The following TECPR1 variants were observed in gnomAD, a reference collection of about 807,000 sequenced individuals.
TECPR1 encodes the protein tectonin beta-propeller repeat-containing protein 1.
In TECPR1, 122 loss-of-function variants were observed where a neutral mutation model predicts 162.4. The observed-to-expected ratio is 0.75, with a 90% CI of 0.65 to 0.87. The LOEUF (loss-of-function observed/expected upper bound fraction) is 0.87, where lower values mean the gene tolerates loss of function less well. Ranked by LOEUF, TECPR1 falls within the 40% of genes least tolerant of loss-of-function variation. The pLI is 0.00. For missense variants in TECPR1, 1,432 were observed against 1,618.2 expected (o/e 0.88, Z 1.97); for synonymous variants, 642 against 670.6 (o/e 0.96, Z 0.66).
chr7:98,233,140 T>A, intron 11 of TECPR1, 168 bp from the exon 12 acceptor site: 1 of 854,404 alleles, frequency 1.2e-6, no homozygotes, highest in South Asian at 2.2e-5. Flanking sequence ...TCTCCCCCAG[T>A]AATTCAGCCT....
chr7:98,229,998 T>G (rs1261330280), intron 15 of TECPR1, among the ~76,000 whole-genome samples: 2 of 150,276 alleles, frequency 1.3e-5, no homozygotes, highest in Non-Finnish European at 3.0e-5. Context: ...GTGGCTTTTT[T>G]TTTTTTTTCT....
Position 98,235,849 on chromosome 7 carries a change from A to AAC in TECPR1, c.1181+926_1181+927insGT, listed in dbSNP as rs1554401447. ...TCTCAAAAAAAAAAAAAAAAAAAAA[A>AAC]AACACCATCTGAGCAGACTAAACCC... On this transcript the variant is annotated intron_variant, in intron 10 of 25. Transcript: ENST00000447648. Among the ~76,000 whole-genome samples, 629 of 110,312 alleles carry AAC rather than the reference A, an allele frequency of 5.7e-3. 56 individuals carry two copies. The highest frequency in any genetic ancestry group is 0.013 in the Middle Eastern group (2 of 152). The allele number at this position is 110,312 out of a possible 152,430, so 72.4% of individuals were successfully genotyped here. A position where few individuals can be genotyped will look rare whatever the true frequency, so the allele number is the denominator to read the frequency against.
At position 98,231,112 on chromosome 7, in the gene TECPR1, G is replaced by A. The variant is rs1236036745; in HGVS notation, c.2131C>T (p.Leu711=). Residue 711 remains leucine, a synonymous_variant, in exon 15 of 26, where the codon CTG becomes TTG. Coordinates refer to ENST00000447648, the MANE Select transcript of TECPR1 (RefSeq NM_015395.3). The part of the protein sequence containing the change: ...TEQDMNDWLA[L]LSLSCCESRK... ...CTCTCGCAGCAAGACAGGCTGAGCA[G>A]GGCGAGCTGGTGTGGCACAATGCCG... 1.2e-6 allele frequency: 2 copies of A among 1,600,650 alleles called. No homozygotes were observed. Among genetic ancestry groups the A allele is most frequent in the Non-Finnish European group, 1.7e-6 (2 of 1,175,140 alleles).
rs774320450 is a variant in TECPR1, at chr7:98,245,932, T to G, written c.215A>C (p.Tyr72Ser). The change falls in exon 3 of 26, where the codon TAT becomes TCT. Residue 72 changes from tyrosine to serine, a missense_variant. Tyr to Ser is a moderately radical substitution (Grantham distance 144, BLOSUM62 -2). Transcript: ENST00000447648. Reference sequence around the variant, plus strand: ...CATGAGGGTCACTACCTGATTCTCATAGGCCTCCTCTCGGCGGCGGATGGG... The same window carrying G: ...CATGAGGGTCACTACCTGATTCTCAGAGGCCTCCTCTCGGCGGCGGATGGG... ...DVPIRRREEA[Y>S]ENQRWNPMGG... The G allele has an allele frequency of 1.3e-6, 2 of 1,599,360 alleles. No homozygotes were observed. The highest frequency in any genetic ancestry group is 2.3e-5 in the South Asian group (2 of 88,380).
chr7:98,230,200 C>T (rs929791697), intron 15 of TECPR1, among the ~76,000 whole-genome samples: 1 of 151,456 alleles, frequency 6.6e-6, no homozygotes, highest in Non-Finnish European at 1.5e-5. Context: ...AGAGACGAGT[C>T]TAGCTATGTT....
chr7:98,230,564 G>A (rs931829919), intron 15 of TECPR1, among the ~76,000 whole-genome samples: 9 of 152,092 alleles, frequency 5.9e-5, no homozygotes, highest in African/African-American at 2.2e-4. Context: ...GCCCCGGGCC[G>A]CCCATGCAGC....
chr7:98,244,728 G>A (rs529833002), intron 4 of TECPR1, 35 bp from the exon 5 acceptor site: 75 of 1,594,222 alleles, frequency 4.7e-5, no homozygotes, highest in Admixed American at 1.2e-4. Context: ...CAGGCTCTGC[G>A]GGGAAGGCAT....
intron 15 of TECPR1, 129 bp downstream of exon 15, chr7:98,230,832 C>T (rs1798413077): frequency 2.4e-6 from 3 of 1,248,978 alleles, no homozygotes; most frequent in African/African-American, 3.0e-5. Context: ...GAACCAGTGG[C>T]CGTGCCTCTG....
intron 17 of TECPR1, among the ~76,000 whole-genome samples, chr7:98,225,521 G>A (rs951695310): frequency 2.7e-5 from 4 of 145,608 alleles, no homozygotes; most frequent in African/African-American, 1.0e-4. Flanking sequence ...CCAGCCTGGC[G>A]ACAGAGCAAG....
In TECPR1 at chr7:98,233,425, C is replaced by A; in HGVS notation, c.1668G>T (p.Gln556His). ...AGGCCCTGCAGGAGCCCTTACCCGCCTGGACAGTGAACCATCTGGGCATGG... is the reference window on the plus strand; with the variant it reads ...AGGCCCTGCAGGAGCCCTTACCCGCATGGACAGTGAACCATCTGGGCATGG... ...ACAMPRWFTV[Q>H]AGLSSSVHML... is the part of the protein sequence containing the mutation. Residue 556 changes from glutamine (Q) to histidine (H), a missense_variant, in exon 11 of 26, where the codon CAG becomes CAT. Coordinates refer to ENST00000447648, the MANE Select transcript of TECPR1 (RefSeq NM_015395.3). 6.9e-7 allele frequency: 1 copy of A among 1,455,972 alleles called. No homozygotes were observed. The allele number at this position is 1,455,972 out of a possible 1,614,324, so 90.2% of individuals were successfully genotyped here.
Position 98,217,022 on chromosome 7 carries a change from T to C in TECPR1, c.*368A>G. 4.7e-6 allele frequency: 1 copy of C among 213,508 alleles called. No individual in the cohort carries two copies. The highest frequency in any genetic ancestry group is 9.4e-6 in the Non-Finnish European group (1 of 105,988). The allele number at this position is 213,508 out of a possible 1,614,324, so 13.2% of individuals were successfully genotyped here. A position where few individuals can be genotyped will look rare whatever the true frequency, so the allele number is the denominator to read the frequency against. ...GAGATGCCAGCTCAGGAGGGCTCCA[T>C]CCTGGCTCTGCTGCCCCAGGGCCGG... On this transcript the variant is annotated 3_prime_UTR_variant, in exon 26 of 26. Coordinates refer to ENST00000447648, the MANE Select transcript of TECPR1 (RefSeq NM_015395.3).
At chr7:98,250,280 GT>G (rs536091836) in intron 2 of TECPR1, among the ~76,000 whole-genome samples, 34 of 147,066 alleles carry the variant, frequency 2.3e-4, no homozygotes, top group East Asian at 3.9e-4. Context: ...GAAGACGAAG[GT>G]TTTTTTTTTT....
rs760164335 is a variant in TECPR1, at chr7:98,221,697, C to T, written c.3121G>A (p.Ala1041Thr). 5.2e-5 allele frequency: 84 copies of T among 1,613,362 alleles called. No homozygotes were observed. Among genetic ancestry groups the T allele is most frequent in the Non-Finnish European group, 6.4e-5 (75 of 1,179,864 alleles). The change falls in exon 23 of 26, where the codon GCG (alanine) becomes ACG (threonine). Residue 1041 changes from alanine to threonine, a missense_variant. Transcript: ENST00000447648. The part of the protein sequence containing the change: ...PPRQRLKQVS[A>T]GQTSVYALDE... The stretch of plus-strand genomic sequence containing the variant: ...AGGGCATACACCGACGTCTGCCCCG[C>T]GGACACCTGCTTCAGCCTCTGTCTC...
Position 98,233,661 on chromosome 7 carries a change from G to C in TECPR1, c.1432C>G (p.Pro478Ala), listed in dbSNP as rs373071309. Reference protein sequence around the residue: ...REARPNTHPGPAPTPAELPWT... With the variant: ...REARPNTHPGAAPTPAELPWT... ...GGCAGCTCGGCCGGGGTGGGGGCCG[G>C]GCCGGGGTGCGTGTTGGGTCTGGCC... Residue 478 changes from proline to alanine, a missense_variant, in exon 11 of 26, where the codon CCG becomes GCG. By Grantham distance (27) the Pro-to-Ala change is conservative (BLOSUM62 -1). Coordinates refer to ENST00000447648, the MANE Select transcript of TECPR1 (RefSeq NM_015395.3). The C allele has an allele frequency of 8.6e-5, 138 of 1,598,124 alleles. No individual in the cohort carries two copies. Among genetic ancestry groups the C allele is most frequent in the Non-Finnish European group, 1.1e-4 (130 of 1,170,584 alleles).
chr7:98,231,536 T>G, intron 13 of TECPR1, 163 bp from the exon 14 acceptor site: 2 of 376,522 alleles, frequency 5.3e-6, no homozygotes, highest in Non-Finnish European at 4.1e-6. Flanking sequence ...CTTTACCCCC[T>G]CCCCAGGCAC....
chr7:98,224,272 C>A (rs1359469413), intron 19 of TECPR1, among the ~76,000 whole-genome samples: 1 of 152,148 alleles, frequency 6.6e-6, no homozygotes, highest in Admixed American at 6.5e-5. Context: ...CCGTGAAGGG[C>A]CTGCCCACGC....
chr7:98,223,180 G>C lies in TECPR1; in HGVS notation c.2748-10C>G. 6.3e-7 allele frequency: 1 copy of C among 1,587,188 alleles called. No homozygotes were observed. The highest frequency in any genetic ancestry group is 8.6e-7 in the Non-Finnish European group (1 of 1,166,862). On this transcript the variant is annotated splice_polypyrimidine_tract_variant and intron_variant, in intron 20 of 25. Coordinates refer to ENST00000447648, the MANE Select transcript of TECPR1 (RefSeq NM_015395.3). ...CACCAGCTTGCATTTTCTGTACAGT[G>C]GAGAGGGGACACAGCCCAGGGACCC... is the stretch of plus-strand genomic sequence containing the variant.
At position 98,231,059 on chromosome 7, in the gene TECPR1, C is replaced by T. The variant is rs775757627; in HGVS notation, c.2184G>A (p.Pro728=). The change falls in exon 15 of 26, where the codon CCG becomes CCA. Residue 728 remains proline (P), a synonymous_variant. Coordinates refer to ENST00000447648, the MANE Select transcript of TECPR1 (RefSeq NM_015395.3). ...ESRKVQGRPS[P]QAIWSITCKG... is the part of the protein sequence containing the mutation. ...TGCAGGTGATGGACCAGATGGCCTG[C>T]GGGGACGGGCGGCCCTGCACCTTCC... 13 of 1,609,830 alleles carry T rather than the reference C, an allele frequency of 8.1e-6. No homozygotes were observed. The highest frequency in any genetic ancestry group is 6.6e-5 in the South Asian group (6 of 90,418).
chr7:98,217,942 C>T lies in TECPR1; in HGVS notation c.3258G>A (p.Leu1086=), dbSNP rs1195297964. The part of the protein sequence containing the change: ...NNVCRVSVGP[L]DQVWVIANKV... Reference sequence around the variant, plus strand: ...ACCCCCTGAGCACCCCCACCTGGTCCAGGGGCCCCACGGACACTCGGCACA... The same window carrying T: ...ACCCCCTGAGCACCCCCACCTGGTCTAGGGGCCCCACGGACACTCGGCACA... The change falls in exon 24 of 26, where the codon CTG becomes CTA. Residue 1086 remains leucine, a synonymous_variant. Transcript: ENST00000447648. 5 of 1,554,444 alleles carry T rather than the reference C, an allele frequency of 3.2e-6. No homozygotes were observed. The highest frequency in any genetic ancestry group is 4.4e-6 in the Non-Finnish European group (5 of 1,149,092).
Sources: gnomAD v4.1 joint callset for allele counts (sites outside exome capture counted in the v4.1 genomes callset) on GRCh38, gnomAD v4.1.1 for gene constraint, MANE v1.5 for transcripts, NCBI Gene and HGNC (gene_info 2026-07-23, HGNC 2026-07-21) for gene names.